The following WDR7 variants were observed in gnomAD, a reference collection of about 807,000 sequenced individuals.
WDR7 encodes WD repeat-containing protein 7.
Under a neutral mutation model 169.4 loss-of-function variants are expected in WDR7, and 46 were observed. The ratio of observed to expected loss-of-function variants is 0.27; its 90% confidence interval spans 0.21 to 0.35. The LOEUF is 0.35. Among genes scored for constraint, WDR7 ranks in the 10% least tolerant of loss-of-function variants. WDR7 has a pLI of 1.00. For synonymous variants in WDR7, 612 were observed against 666.8 expected (o/e 0.92, Z 1.27); for missense variants, 1,534 against 1,859.3 (o/e 0.83, Z 3.22).
chr18:56,922,884 T>A (rs762654601), intron 21 of WDR7, among the ~76,000 whole-genome samples: 40 of 152,244 alleles, frequency 2.6e-4, no homozygotes, highest in Non-Finnish European at 5.6e-4. Flanking sequence ...TATTAAAGTT[T>A]ATATGCCATT....
At chr18:56,790,994 A>T (rs9949066) in intron 19 of WDR7, among the ~76,000 whole-genome samples, 4,008 of 152,240 alleles carry the variant, frequency 0.026, 69 homozygotes, top group African/African-American at 0.051. Context: ...TTTCTGTACA[A>T]ATTTTCTGTG....
intron 12 of WDR7, among the ~76,000 whole-genome samples, chr18:56,696,928 C>T (rs372234851): frequency 6.6e-6 from 1 of 152,166 alleles, no homozygotes; most frequent in East Asian, 1.9e-4. Flanking sequence ...CAAAGCCTAA[C>T]AGTCACTGAT....
chr18:56,657,033 T>C (rs927630010), intron 1 of WDR7, among the ~76,000 whole-genome samples: 1 of 152,186 alleles, frequency 6.6e-6, no homozygotes, highest in Non-Finnish European at 1.5e-5. Flanking sequence ...TAGACAGAAA[T>C]CAAAATTCAT....
At chr18:56,846,594 A>G (rs1376061198) in intron 20 of WDR7, among the ~76,000 whole-genome samples, 1 of 152,216 alleles carries the variant, frequency 6.6e-6, no homozygotes, top group East Asian at 1.9e-4. Flanking sequence ...AATCTTTACC[A>G]GTAGCATGAA....
At chr18:56,987,882 C>G (rs1181534664) in intron 26 of WDR7, among the ~76,000 whole-genome samples, 2 of 152,106 alleles carry the variant, frequency 1.3e-5, no homozygotes, top group Non-Finnish European at 2.9e-5. Flanking sequence ...TATCTTAGGT[C>G]AAAGTTAAAT....
At chr18:56,732,873 A>G (rs1046095318) in intron 14 of WDR7, among the ~76,000 whole-genome samples, 2 of 152,188 alleles carry the variant, frequency 1.3e-5, no homozygotes, top group African/African-American at 4.8e-5. Context: ...TTATAAAACA[A>G]TATGTTTAAG....
At chr18:56,881,649 C>T (rs2046109875) in intron 21 of WDR7, among the ~76,000 whole-genome samples, 1 of 152,114 alleles carries the variant, frequency 6.6e-6, no homozygotes, top group South Asian at 2.1e-4. Flanking sequence ...CTCTCTCTGT[C>T]ACCCAGGCTG....
At position 56,757,247 on chromosome 18, in the gene WDR7, C is replaced by A. The variant is rs1372019095; in HGVS notation, c.2654C>A (p.Ala885Asp). The change falls in exon 15 of 28, where the codon GCC becomes GAC. Residue 885 changes from alanine (A) to aspartate (D), a missense_variant. Transcript: ENST00000254442. ...VGKGTYGVSR[A>D]VTTQHLLSII... ...AAGGGAACTTACGGAGTGTCCCGTG[C>A]CGTCACCACACAGCATCTCCTGTCT... 6.2e-7 allele frequency: 1 copy of A among 1,614,108 alleles called. No homozygotes were observed. The highest frequency in any genetic ancestry group is 1.7e-5 in the Admixed American group (1 of 60,000).
intron 22 of WDR7, among the ~76,000 whole-genome samples, chr18:56,934,867 A>G (rs531467625): frequency 1.8e-4 from 27 of 152,314 alleles, no homozygotes; most frequent in African/African-American, 6.0e-4. Flanking sequence ...TAACTCGGGA[A>G]ACTATAATTG....
At chr18:56,763,102 A>C (rs1197052290) in intron 16 of WDR7, among the ~76,000 whole-genome samples, 1 of 151,960 alleles carries the variant, frequency 6.6e-6, no homozygotes, top group African/African-American at 2.4e-5. Context: ...CTGGGACTAC[A>C]GGCGCCCGCA....
At chr18:56,699,920 T>TTTA (rs2025785348) in intron 12 of WDR7, 1 of 964,124 alleles carries the variant, frequency 1.0e-6, no homozygotes, top group African/African-American at 1.8e-5. Context: ...TCAGTAGGTA[T>TTTA]TTATCATCCT....
At chr18:56,791,709 C>G (rs2044487705) in intron 19 of WDR7, among the ~76,000 whole-genome samples, 1 of 152,124 alleles carries the variant, frequency 6.6e-6, no homozygotes, top group Non-Finnish European at 1.5e-5. Context: ...TCAGATGTCA[C>G]CTATTTTAAA....
At chr18:56,700,386 A>G (rs2025801370) in intron 12 of WDR7, among the ~76,000 whole-genome samples, 1 of 147,364 alleles carries the variant, frequency 6.8e-6, no homozygotes, top group Non-Finnish European at 1.5e-5. Context: ...TCACCCATGT[A>G]GCTGGGAATA....
intron 19 of WDR7, among the ~76,000 whole-genome samples, chr18:56,783,861 G>C (rs1310723274): frequency 6.6e-6 from 1 of 152,140 alleles, no homozygotes; most frequent in Non-Finnish European, 1.5e-5. Flanking sequence ...GGGAAGAAGA[G>C]AATAAGTTAG....
chr18:56,823,397 T>G (rs557441278), intron 20 of WDR7, among the ~76,000 whole-genome samples: 100 of 152,214 alleles, frequency 6.6e-4, no homozygotes, highest in African/African-American at 2.4e-3. Context: ...GGTCAACATA[T>G]AGTATAAACC....
At chr18:56,845,875 G>A (rs2045559062) in intron 20 of WDR7, among the ~76,000 whole-genome samples, 1 of 152,090 alleles carries the variant, frequency 6.6e-6, no homozygotes, top group Non-Finnish European at 1.5e-5. Flanking sequence ...AAATTTGCTT[G>A]AAAAAATGTT....
At chr18:56,816,195 A>G (rs763448170) in intron 20 of WDR7, 51 bp downstream of exon 20, 1 of 1,496,610 alleles carries the variant, frequency 6.7e-7, no homozygotes, top group South Asian at 1.2e-5. Context: ...TGATATTGCA[A>G]AATGTTTTCT....
intron 1 of WDR7, among the ~76,000 whole-genome samples, chr18:56,672,237 G>T (rs7236683): frequency 0.028 from 4,290 of 152,116 alleles, 183 homozygotes; most frequent in African/African-American, 0.097. Context: ...TGAATGCCTG[G>T]GGTAAAGACC....
intron 20 of WDR7, among the ~76,000 whole-genome samples, chr18:56,833,337 T>C (rs969861687): frequency 5.3e-5 from 8 of 151,906 alleles, no homozygotes; most frequent in Non-Finnish European, 1.2e-4. Context: ...TATGGGACTA[T>C]GTGAAAATAT....
Sources: gnomAD v4.1 joint callset for allele counts (sites outside exome capture counted in the v4.1 genomes callset) on GRCh38, gnomAD v4.1.1 for gene constraint, MANE v1.5 for transcripts, NCBI Gene and HGNC (gene_info 2026-07-23, HGNC 2026-07-21) for gene names.